EFNA5: variants seen among roughly 807,000 people sequenced by gnomAD.
EFNA5 encodes the protein ephrin A5.
A neutral mutation model predicts 22.9 loss-of-function variants in EFNA5; 5 were observed. The observed-to-expected ratio is 0.22, with a 90% CI of 0.11 to 0.46. The LOEUF is 0.46. Ranked by LOEUF, EFNA5 falls within the 20% of genes least tolerant of loss-of-function variation. The probability of loss-of-function intolerance (pLI) is 0.99; values close to 1 mark genes in which losing one functional copy is unlikely to be tolerated. For synonymous variants in EFNA5, 113 were observed against 112.2 expected, an observed-to-expected ratio of 1.01 and a Z score of -0.04; for missense variants, 237 against 293.3, an observed-to-expected ratio of 0.81 and a Z score of 1.40.
At chr5:107,530,591 T>C (rs927289220) in intron 1 of EFNA5, among the ~76,000 whole-genome samples, 4 of 152,170 alleles carry the variant, frequency 2.6e-5, no homozygotes, top group African/African-American at 9.7e-5. Flanking sequence ...ATTTGGAAAT[T>C]TATTTTAAAG....
intron 1 of EFNA5, among the ~76,000 whole-genome samples, chr5:107,666,153 A>G (rs937845178): frequency 1.3e-5 from 2 of 152,186 alleles, no homozygotes; most frequent in African/African-American, 2.4e-5. Flanking sequence ...TTTACTCACA[A>G]CAAATTCTTA....
chr5:107,641,215 GGGCAT>G (rs1350652959), intron 1 of EFNA5, among the ~76,000 whole-genome samples: 1 of 151,890 alleles, frequency 6.6e-6, no homozygotes, highest in Non-Finnish European at 1.5e-5. Flanking sequence ...AAAATTAGCT[GGGCAT>G]GGTGGTACGT....
intron 1 of EFNA5, among the ~76,000 whole-genome samples, chr5:107,520,671 T>G (rs1275107695): frequency 6.6e-6 from 1 of 152,226 alleles, no homozygotes; most frequent in Non-Finnish European, 1.5e-5. Context: ...GATTTTCTTC[T>G]GAAGAGGTTA....
intron 1 of EFNA5, among the ~76,000 whole-genome samples, chr5:107,661,861 T>C (rs1330913210): frequency 6.6e-6 from 1 of 152,186 alleles, no homozygotes; most frequent in Admixed American, 6.5e-5. Flanking sequence ...ATTTGCACTA[T>C]AATTATCCAA....
At chr5:107,390,911 C>G (rs1358802947) in intron 2 of EFNA5, among the ~76,000 whole-genome samples, 2 of 152,140 alleles carry the variant, frequency 1.3e-5, no homozygotes, top group African/African-American at 4.8e-5. Context: ...GCAATCCCAA[C>G]ACTGTGGGAG....
intron 2 of EFNA5, among the ~76,000 whole-genome samples, chr5:107,411,683 G>A (rs1748369359): frequency 6.6e-6 from 1 of 152,148 alleles, no homozygotes; most frequent in East Asian, 1.9e-4. Flanking sequence ...TCACTTGGTT[G>A]CCCAGGCTGG....
chr5:107,571,408 A>G (rs608333), intron 1 of EFNA5, among the ~76,000 whole-genome samples: 84,702 of 151,948 alleles, frequency 0.56, 24,922 homozygotes, highest in African/African-American at 0.76. Context: ...GCTGTCGGGG[A>G]AAAACATTAC....
At chr5:107,531,528 T>C (rs1055993715) in intron 1 of EFNA5, among the ~76,000 whole-genome samples, 8 of 152,206 alleles carry the variant, frequency 5.3e-5, no homozygotes, top group African/African-American at 1.2e-4. Context: ...TCATGCAGAA[T>C]AGATCTTTCT....
intron 1 of EFNA5, among the ~76,000 whole-genome samples, chr5:107,609,886 G>C (rs1473385944): frequency 1.3e-5 from 2 of 152,116 alleles, no homozygotes; most frequent in Non-Finnish European, 2.9e-5. Flanking sequence ...TTATCAAAGG[G>C]ACAAAACCAA....
chr5:107,402,811 G>C (rs545409455), intron 2 of EFNA5, among the ~76,000 whole-genome samples: 2 of 152,248 alleles, frequency 1.3e-5, no homozygotes, highest in East Asian at 1.9e-4. Flanking sequence ...TCAAGTCTTC[G>C]GGCAAATTTC....
intron 1 of EFNA5, among the ~76,000 whole-genome samples, chr5:107,631,256 A>AACAC (rs10616989): frequency 0.18 from 25,995 of 145,590 alleles, 2,444 homozygotes; most frequent in Non-Finnish European, 0.23. Context: ...CCTGACTACA[A>AACAC]ACACACACAC....
At chr5:107,393,632 AT>A (rs1417560305) in intron 2 of EFNA5, among the ~76,000 whole-genome samples, 2 of 152,178 alleles carry the variant, frequency 1.3e-5, no homozygotes, top group African/African-American at 4.8e-5. Context: ...CACAGGCAAT[AT>A]TTCTCAATTC....
At chr5:107,638,806 C>G (rs957784223) in intron 1 of EFNA5, among the ~76,000 whole-genome samples, 1 of 152,048 alleles carries the variant, frequency 6.6e-6, no homozygotes, top group African/African-American at 2.4e-5. Context: ...AGATCTTAAG[C>G]GTTCTCACTA....
At chr5:107,516,495 A>G (rs575197844) in intron 1 of EFNA5, among the ~76,000 whole-genome samples, 1 of 152,322 alleles carries the variant, frequency 6.6e-6, no homozygotes, top group South Asian at 2.1e-4. Context: ...TTAATCAAAC[A>G]ACTGTTTTAA....
chr5:107,384,697 G>A (rs777487154), intron 4 of EFNA5, among the ~76,000 whole-genome samples: 80 of 150,446 alleles, frequency 5.3e-4, no homozygotes, highest in South Asian at 4.2e-4. Flanking sequence ...CTGTAGCCTC[G>A]AACTCCTGGG....
intron 2 of EFNA5, among the ~76,000 whole-genome samples, chr5:107,417,544 T>C (rs987044911): frequency 6.6e-6 from 1 of 152,094 alleles, no homozygotes; most frequent in Non-Finnish European, 1.5e-5. Flanking sequence ...ACTCATGAAC[T>C]AAAATAATGA....
At chr5:107,622,402 T>C (rs1319083860) in intron 1 of EFNA5, among the ~76,000 whole-genome samples, 6 of 152,188 alleles carry the variant, frequency 3.9e-5, no homozygotes, top group Non-Finnish European at 7.3e-5. Context: ...GATATTTGAG[T>C]ATGGGTATTA....
intron 1 of EFNA5, among the ~76,000 whole-genome samples, chr5:107,586,100 G>A (rs528686428): frequency 6.6e-6 from 1 of 151,976 alleles, no homozygotes; most frequent in African/African-American, 2.4e-5. Context: ...ATTGTTTATC[G>A]TGTTTTCCTT....
intron 1 of EFNA5, among the ~76,000 whole-genome samples, chr5:107,633,734 A>G (rs1750310724): frequency 6.6e-6 from 1 of 152,214 alleles, no homozygotes; most frequent in Non-Finnish European, 1.5e-5. Flanking sequence ...AGCAGGGAGC[A>G]CATTCACCCA....
Sources: gnomAD v4.1 joint callset for allele counts (sites outside exome capture counted in the v4.1 genomes callset) on GRCh38, gnomAD v4.1.1 for gene constraint, MANE v1.5 for transcripts, NCBI Gene and HGNC (gene_info 2026-07-23, HGNC 2026-07-21) for gene names.